MEI4: variants seen among roughly 807,000 people sequenced by gnomAD.
MEI4 encodes the protein meiotic double-stranded break formation protein 4.
MEI4 carries 27 observed loss-of-function variants against 31.4 expected under a neutral mutation model. That is an observed-to-expected ratio of 0.86 (90% CI 0.63 to 1.19). MEI4 has a LOEUF of 1.19. Ranked by LOEUF, MEI4 falls within the 50% of genes most tolerant of loss-of-function variation. MEI4 has a pLI of 0.00. For missense variants in MEI4, 329 were observed against 398.9 expected, an observed-to-expected ratio of 0.82 and a Z score of 1.49; for synonymous variants, 122 against 145.4, an observed-to-expected ratio of 0.84 and a Z score of 1.16.
chr6:77,711,731 T>A (rs1038316307), intron 2 of MEI4, among the ~76,000 whole-genome samples: 4 of 152,184 alleles, frequency 2.6e-5, no homozygotes, highest in Non-Finnish European at 5.9e-5. Context: ...CCCCTTTTTT[T>A]CTCTTGTAAA....
At chr6:77,713,598 G>A (rs977461366) in intron 2 of MEI4, among the ~76,000 whole-genome samples, 1 of 152,134 alleles carries the variant, frequency 6.6e-6, no homozygotes, top group Non-Finnish European at 1.5e-5. Context: ...AGTGTGTTAT[G>A]GGTCTGCTTC....
At chr6:77,739,276 G>A (rs1767335307) in intron 2 of MEI4, among the ~76,000 whole-genome samples, 1 of 151,992 alleles carries the variant, frequency 6.6e-6, no homozygotes, top group Admixed American at 6.6e-5. Flanking sequence ...TTAAGGAAGA[G>A]GTCCAGTTTC....
At chr6:77,918,827 G>A (rs1016614910) in intron 4 of MEI4, among the ~76,000 whole-genome samples, 1 of 151,998 alleles carries the variant, frequency 6.6e-6, no homozygotes, top group African/African-American at 2.4e-5. Context: ...TGGTGAGAGA[G>A]GGCATCCCTG....
At chr6:77,857,738 A>G (rs1016149420) in intron 4 of MEI4, among the ~76,000 whole-genome samples, 5 of 152,198 alleles carry the variant, frequency 3.3e-5, no homozygotes, top group African/African-American at 1.2e-4. Context: ...TTTTCTCTCC[A>G]TAAAACAATG....
At chr6:77,733,442 T>G (rs1384175175) in intron 2 of MEI4, among the ~76,000 whole-genome samples, 1 of 152,120 alleles carries the variant, frequency 6.6e-6, no homozygotes, top group African/African-American at 2.4e-5. Flanking sequence ...TCTCTGATGG[T>G]AGTTTGTATT....
At chr6:77,851,783 TA>T (rs1181829860) in intron 4 of MEI4, among the ~76,000 whole-genome samples, 1 of 151,448 alleles carries the variant, frequency 6.6e-6, no homozygotes, top group African/African-American at 2.4e-5. Flanking sequence ...AAAGTATAAT[TA>T]AAAAGAAAAA....
In MEI4 at chr6:77,747,540, G is replaced by A. The variant is rs139945882; in HGVS notation, c.233-13590G>A. On this transcript the variant is annotated intron_variant, in intron 2 of 4. Transcript: ENST00000684080. ...CAGATCTCATGAGAACCCACTTAGTGTCATGAGAACAGCTTAGGGGAAACC... is the reference window on the plus strand; with the variant it reads ...CAGATCTCATGAGAACCCACTTAGTATCATGAGAACAGCTTAGGGGAAACC... Among the ~76,000 whole-genome samples the A allele has an allele frequency of 1.4e-3, 210 of 152,128 alleles. 1 individual carries two copies. Among genetic ancestry groups the A allele is most frequent in the African/African-American group, 4.4e-3 (184 of 41,510 alleles).
intron 2 of MEI4, among the ~76,000 whole-genome samples, chr6:77,714,510 T>G (rs971370356): frequency 3.9e-5 from 6 of 152,206 alleles, no homozygotes; most frequent in African/African-American, 1.4e-4. Context: ...GGCATTTTAT[T>G]TGCAGTTCAT....
At chr6:77,892,323 A>C (rs1765980507) in intron 4 of MEI4, among the ~76,000 whole-genome samples, 2 of 151,978 alleles carry the variant, frequency 1.3e-5, no homozygotes, top group Admixed American at 6.6e-5. Flanking sequence ...TGATCTGTTG[A>C]TCTCTAGGCT....
At chr6:77,854,610 T>G (rs1169408071) in intron 4 of MEI4, among the ~76,000 whole-genome samples, 1 of 152,118 alleles carries the variant, frequency 6.6e-6, no homozygotes, top group African/African-American at 2.4e-5. Context: ...AATAGCCACA[T>G]AACAGTAGCT....
intron 4 of MEI4, among the ~76,000 whole-genome samples, chr6:77,868,619 T>C (rs941016933): frequency 3.3e-5 from 5 of 150,266 alleles, no homozygotes; most frequent in African/African-American, 7.3e-5. Context: ...GATAACTCTT[T>C]TATAAATCTG....
chr6:77,736,701 A>G (rs1459258284), intron 2 of MEI4, among the ~76,000 whole-genome samples: 1 of 152,068 alleles, frequency 6.6e-6, no homozygotes, highest in Non-Finnish European at 1.5e-5. Flanking sequence ...AATGTAGAAA[A>G]TACAGAAAGA....
chr6:77,735,210 A>T (rs1369132635), intron 2 of MEI4, among the ~76,000 whole-genome samples: 1 of 151,950 alleles, frequency 6.6e-6, no homozygotes, highest in African/African-American at 2.4e-5. Context: ...GTTCTCCTGG[A>T]TAATATCCTG....
At chr6:77,840,757 C>A (rs564703496) in intron 4 of MEI4, among the ~76,000 whole-genome samples, 1 of 152,070 alleles carries the variant, frequency 6.6e-6, no homozygotes, top group Non-Finnish European at 1.5e-5. Context: ...CCATCTATTT[C>A]TTTTTATAGA....
At chr6:77,709,762 C>A (rs865945188) in intron 2 of MEI4, among the ~76,000 whole-genome samples, 1 of 152,202 alleles carries the variant, frequency 6.6e-6, no homozygotes, top group East Asian at 1.9e-4. Flanking sequence ...CCAGTTCATA[C>A]AAATTATATG....
chr6:77,916,210 C>G (rs950418772), intron 4 of MEI4, among the ~76,000 whole-genome samples: 3 of 151,826 alleles, frequency 2.0e-5, no homozygotes, highest in Non-Finnish European at 4.4e-5. Context: ...TCTCACTGAG[C>G]TTTTTTTAAA....
At chr6:77,919,734 A>C (rs1581982771) in intron 4 of MEI4, among the ~76,000 whole-genome samples, 1 of 150,136 alleles carries the variant, frequency 6.7e-6, no homozygotes, top group Non-Finnish European at 1.5e-5. Flanking sequence ...AGGATCAACA[A>C]AATTGATAGA....
At chr6:77,788,791 G>A (rs1205510876) in intron 3 of MEI4, among the ~76,000 whole-genome samples, 1 of 152,126 alleles carries the variant, frequency 6.6e-6, no homozygotes, top group Non-Finnish European at 1.5e-5. Context: ...ATGCTCATGG[G>A]TAGGAAGAAT....
intron 2 of MEI4, among the ~76,000 whole-genome samples, chr6:77,759,755 C>T (rs1768002354): frequency 6.6e-6 from 1 of 152,120 alleles, no homozygotes; most frequent in African/African-American, 2.4e-5. Flanking sequence ...TCACTCTTCA[C>T]CCAATGTTGG....
Sources: allele counts gnomAD v4.1 joint callset (sites outside exome capture counted in the v4.1 genomes callset), GRCh38; gene constraint gnomAD v4.1.1; transcripts MANE v1.5; gene names NCBI Gene and HGNC (gene_info 2026-07-23, HGNC 2026-07-21).